TIE1: variants seen among roughly 807,000 people sequenced by gnomAD.
TIE1 encodes the protein tyrosine kinase with immunoglobulin like and EGF like domains 1, also known as tyrosine-protein kinase receptor Tie-1.
TIE1 carries 89 observed loss-of-function variants against 130.5 expected under a neutral mutation model. The ratio of observed to expected loss-of-function variants is 0.68; its 90% confidence interval spans 0.57 to 0.81. The LOEUF is 0.81. Ranked by LOEUF, TIE1 falls within the 40% of genes least tolerant of loss-of-function variation. TIE1 has a pLI of 0.00. For synonymous variants in TIE1, 568 were observed against 629.4 expected (o/e 0.90, Z 1.46); for missense variants, 1,392 against 1,559.8 (o/e 0.89, Z 1.81).
In TIE1 at chr1:43,312,628, G is replaced by A. The variant is rs1375479345; in HGVS notation, c.1927+27G>A. On this transcript the variant is annotated intron_variant, in intron 12 of 22. Transcript: ENST00000372476. This position sits in a 1 kb window ranked among gnomAD's most constrained non-coding sequence, Gnocchi z 5.6. ...TATGTGCAAGGCGCAAGGATAGCTG[G>A]GGGTTGGGGGAGGACGTGGGACACA... 1.3e-6 allele frequency: 2 copies of A among 1,566,818 alleles called. No homozygotes were observed. The highest frequency in any genetic ancestry group is 2.3e-5 in the East Asian group (1 of 44,366).
intron 22 of TIE1, 141 bp downstream of exon 22, chr1:43,321,856 G>A (rs1011204157): frequency 1.3e-6 from 1 of 771,528 alleles, no homozygotes; most frequent in Non-Finnish European, 2.1e-6. Context: ...GCTAGGCTGG[G>A]CCCCAGGATG....
Position 43,316,102 on chromosome 1 carries a change from T to A in TIE1, c.2410-1097T>A, listed in dbSNP as rs753711662. On this transcript the variant is annotated intron_variant, in intron 14 of 22. Coordinates refer to ENST00000372476, the MANE Select transcript of TIE1 (RefSeq NM_005424.5). The surrounding 1 kb of genome is among the most constrained non-coding windows in gnomAD (Gnocchi z 4.4). ...TATCCCTGGTACATGTGCCTGCATA[T>A]GGATAGGAAACGTGTGTGCACAAAT... Among the ~76,000 whole-genome samples, 41 of 152,292 alleles carry A rather than the reference T, an allele frequency of 2.7e-4. No homozygotes were observed. The highest frequency in any genetic ancestry group is 4.4e-4 in the Non-Finnish European group (30 of 68,010).
Position 43,309,358 on chromosome 1 carries a change from T to A in TIE1, c.1189-30T>A, listed in dbSNP as rs1362104850. 2 of 1,558,946 alleles carry A rather than the reference T, an allele frequency of 1.3e-6. No homozygotes were observed. Among genetic ancestry groups the A allele is most frequent in the Admixed American group, 3.9e-5 (2 of 51,134 alleles). On this transcript the variant is annotated intron_variant, in intron 8 of 22. Transcript: ENST00000372476. This position sits in a 1 kb window ranked among gnomAD's most constrained non-coding sequence, Gnocchi z 6.3. Reference sequence around the variant, plus strand: ...CTGCCACAGAGGTGCCCGTTCCCTGTGACCTGTCCCCTTCCCCCATCTCTT... The same window carrying A: ...CTGCCACAGAGGTGCCCGTTCCCTGAGACCTGTCCCCTTCCCCCATCTCTT...
chr1:43,322,704 C>T lies in TIE1; in HGVS notation c.3399C>T (p.Ala1133=), dbSNP rs1211471191. The T allele has an allele frequency of 6.2e-7, 1 of 1,613,950 alleles. No individual in the cohort carries two copies. The highest frequency in any genetic ancestry group is 1.1e-5 in the South Asian group (1 of 91,078). The change falls in exon 23 of 23, where the codon GCC becomes GCT. Residue 1133 remains alanine (A), a synonymous_variant. Transcript: ENST00000372476. This position sits in a 1 kb window ranked among gnomAD's most constrained non-coding sequence, Gnocchi z 4.0. ...FENFTYAGID[A]TAEEA ...ACTTCACTTACGCGGGCATTGATGC[C>T]ACAGCTGAGGAGGCCTGAGCTGCCA... is the stretch of plus-strand genomic sequence containing the variant.
Position 43,309,222 on chromosome 1 carries a change from G to T in TIE1, c.1188+91G>T. On this transcript the variant is annotated intron_variant, in intron 8 of 22. Coordinates refer to ENST00000372476, the MANE Select transcript of TIE1 (RefSeq NM_005424.5). The surrounding 1 kb of genome is among the most constrained non-coding windows in gnomAD (Gnocchi z 6.3). Reference sequence around the variant, plus strand: ...ACCCCCTAGTCCCTCAGAACTTTCTGCAGGGCCCACCCATTGGCCTGACCA... The same window carrying T: ...ACCCCCTAGTCCCTCAGAACTTTCTTCAGGGCCCACCCATTGGCCTGACCA... 1.3e-6 allele frequency: 2 copies of T among 1,516,304 alleles called. No homozygotes were observed. Among genetic ancestry groups the T allele is most frequent in the Non-Finnish European group, 8.8e-7 (1 of 1,130,936 alleles). The allele number at this position is 1,516,304 out of a possible 1,614,324, so 93.9% of individuals were successfully genotyped here. A position where few individuals can be genotyped will look rare whatever the true frequency, so the allele number is the denominator to read the frequency against.
rs1308264229 is a variant in TIE1 at position 43,315,578 on chromosome 1, CG to C, written c.2409+1612del. Among the ~76,000 whole-genome samples the C allele has an allele frequency of 1.3e-5, 2 of 151,980 alleles. No individual in the cohort carries two copies. Among genetic ancestry groups the C allele is most frequent in the East Asian group, 3.9e-4 (2 of 5,174 alleles). On this transcript the variant is annotated intron_variant, in intron 14 of 22. Transcript: ENST00000372476. This position sits in a 1 kb window ranked among gnomAD's most constrained non-coding sequence, Gnocchi z 4.4. ...CTGAGGCAGGAGAACTGCTTGAACC[CG>C]GATGGCAGAGGTTGCAGTGAGCCAA...
rs1371424998 is a variant in TIE1 at position 43,301,125 on chromosome 1, T to C, written c.54T>C (p.His18=). ...FLLPILFLAS[H]VGAAVDLTLL... ...TCCCCATCCTCTTCTTGGCTTCTCA[T>C]GTGGGTAAGTCTCCCCTGAGTCCCT... is the stretch of plus-strand genomic sequence containing the variant. Residue 18 remains histidine (H), a synonymous_variant, in exon 1 of 23, where the codon CAT becomes CAC. Transcript: ENST00000372476. The C allele has an allele frequency of 1.2e-6, 2 of 1,613,574 alleles. No homozygotes were observed. Among genetic ancestry groups the C allele is most frequent in the South Asian group, 1.1e-5 (1 of 90,914 alleles).
intron 1 of TIE1, among the ~76,000 whole-genome samples, chr1:43,302,961 G>C (rs552024299): frequency 1.5e-3 from 236 of 152,262 alleles, no homozygotes; most frequent in Admixed American, 3.5e-3. Flanking sequence ...TTTAGAATCA[G>C]ACAACCTGGC....
Position 43,312,230 on chromosome 1 carries a change from G to A in TIE1, c.1631-75G>A, listed in dbSNP as rs1646804464. 4.6e-6 allele frequency: 7 copies of A among 1,513,238 alleles called. No individual in the cohort carries two copies. Among genetic ancestry groups the A allele is most frequent in the Non-Finnish European group, 6.2e-6 (7 of 1,130,540 alleles). The allele number at this position is 1,513,238 out of a possible 1,614,324, so 93.7% of individuals were successfully genotyped here. On this transcript the variant is annotated intron_variant, in intron 11 of 22. Coordinates refer to ENST00000372476, the MANE Select transcript of TIE1 (RefSeq NM_005424.5). The surrounding 1 kb of genome is among the most constrained non-coding windows in gnomAD (Gnocchi z 5.6). ...TTCCCACTGGAGGTTGTTCTTCCTT[G>A]TTCACTGGGGATCATTGTCCTGTCC...
chr1:43,320,662 C>G (rs1016671785), intron 19 of TIE1: 2 of 152,170 alleles, frequency 1.3e-5, no homozygotes, highest in Non-Finnish European at 2.9e-5. Flanking sequence ...ACCATCCTGG[C>G]TGACACAGTG....
Position 43,307,484 on chromosome 1 carries a change from A to T in TIE1, c.825A>T (p.Ile275=). The change falls in exon 6 of 23, where the codon ATA becomes ATT. Residue 275 remains isoleucine (I), a synonymous_variant. Coordinates refer to ENST00000372476, the MANE Select transcript of TIE1 (RefSeq NM_005424.5). The surrounding 1 kb of genome is among the most constrained non-coding windows in gnomAD (Gnocchi z 5.4). ...GCTGCCAGGAGCAGTGCCCAGGCATATCAGGCTGCCGGGGCCTCACCTTCT... is the reference window on the plus strand; with the variant it reads ...GCTGCCAGGAGCAGTGCCCAGGCATTTCAGGCTGCCGGGGCCTCACCTTCT... ...GQSCQEQCPG[I]SGCRGLTFCL... 6.2e-7 allele frequency: 1 copy of T among 1,614,198 alleles called. No homozygotes were observed. The highest frequency in any genetic ancestry group is 1.6e-4 in the Middle Eastern group (1 of 6,062).
rs1238053576 is a variant in TIE1, at chr1:43,309,779, G to A, written c.1333+247G>A. Among the ~76,000 whole-genome samples the A allele has an allele frequency of 2.0e-5, 3 of 152,200 alleles. No individual in the cohort carries two copies. The South Asian group carries it at 6.2e-4, about 32-fold the overall frequency. ...GAAACTGGGGACACTCTCCAGCCCC[G>A]CCCTTCCTCCTGCCCAGCCATGCTG... On this transcript the variant is annotated intron_variant, in intron 9 of 22. Coordinates refer to ENST00000372476, the MANE Select transcript of TIE1 (RefSeq NM_005424.5). This position sits in a 1 kb window ranked among gnomAD's most constrained non-coding sequence, Gnocchi z 6.3.
Position 43,307,847 on chromosome 1 carries a change from A to AG in TIE1, c.966dup (p.Asn323GlufsTer6), listed in dbSNP as rs1446638770. The stretch of plus-strand genomic sequence containing the variant: ...GATTGCCGACTCCAGTGCCAGTGTC[A>AG]GAATGGTGGCACTTGTGACCGGTTC... On this transcript the variant is annotated frameshift_variant, in exon 7 of 23. Transcript: ENST00000372476. LOFTEE classifies it high-confidence loss of function. This position sits in a 1 kb window ranked among gnomAD's most constrained non-coding sequence, Gnocchi z 5.4. The AG allele has an allele frequency of 1.7e-5, 27 of 1,614,072 alleles. No individual in the cohort carries two copies. The highest frequency in any genetic ancestry group is 2.2e-5 in the Non-Finnish European group (26 of 1,180,036).
rs575396090 is a variant in TIE1, at chr1:43,305,622, C to T, written c.484+279C>T. Among the ~76,000 whole-genome samples the T allele has an allele frequency of 1.3e-4, 20 of 152,354 alleles. No homozygotes were observed. In the South Asian group the frequency reaches 3.1e-3, roughly 24 times the overall value. On this transcript the variant is annotated intron_variant, in intron 3 of 22. Coordinates refer to ENST00000372476, the MANE Select transcript of TIE1 (RefSeq NM_005424.5). The stretch of plus-strand genomic sequence containing the variant: ...CACGATGTTAAACCCTCATCTCTCC[C>T]CTGGGAGTTAGCAGGTGCTGTCACA...
chr1:43,307,373 G>C lies in TIE1; in HGVS notation c.773-59G>C. ...GGAGCTTGGAGGGTAAGGGCGACAG[G>C]CAGGTCCTGGGCCCAGGGGCCCACA... is the stretch of plus-strand genomic sequence containing the variant. On this transcript the variant is annotated intron_variant, in intron 5 of 22. Transcript: ENST00000372476. This position sits in a 1 kb window ranked among gnomAD's most constrained non-coding sequence, Gnocchi z 5.4. 10 of 1,611,498 alleles carry C rather than the reference G, an allele frequency of 6.2e-6. No homozygotes were observed. The highest frequency in any genetic ancestry group is 8.5e-6 in the Non-Finnish European group (10 of 1,178,358).
At position 43,322,470 on chromosome 1, in the gene TIE1, A is replaced by G. The variant is rs1160524696; in HGVS notation, c.3346-181A>G. Among the ~76,000 whole-genome samples, 1 of 152,216 alleles carries G rather than the reference A, an allele frequency of 6.6e-6. No homozygotes were observed. Among genetic ancestry groups the G allele is most frequent in the Non-Finnish European group, 1.5e-5 (1 of 68,032 alleles). On this transcript the variant is annotated intron_variant, in intron 22 of 22. Transcript: ENST00000372476. This position sits in a 1 kb window ranked among gnomAD's most constrained non-coding sequence, Gnocchi z 4.0. ...TGAGAGCCTCTCACCTGAGGCCCCAACTGTGGCCTGATGCCTTCACTGCCC... is the reference window on the plus strand; with the variant it reads ...TGAGAGCCTCTCACCTGAGGCCCCAGCTGTGGCCTGATGCCTTCACTGCCC...
At chr1:43,321,766 A>G (rs11210834) in intron 22 of TIE1, 51 bp downstream of exon 22, 378,540 of 1,523,580 alleles carry the variant, frequency 0.25, 48,187 homozygotes, top group East Asian at 0.38. Context: ...AGTGCTCCAG[A>G]GTGCCCTCTC....
chr1:43,313,468 G>A lies in TIE1; in HGVS notation c.2218+43G>A, dbSNP rs1646823144. Reference sequence around the variant, plus strand: ...ACAGGACCCCCCGGGCTCTGAGCGGGGAGAGCTCAGCACGCTCTCCTTCCA... The same window carrying A: ...ACAGGACCCCCCGGGCTCTGAGCGGAGAGAGCTCAGCACGCTCTCCTTCCA... On this transcript the variant is annotated intron_variant, in intron 13 of 22. Transcript: ENST00000372476. The surrounding 1 kb of genome is among the most constrained non-coding windows in gnomAD (Gnocchi z 6.2). 6.2e-7 allele frequency: 1 copy of A among 1,606,788 alleles called. No homozygotes were observed. The highest frequency in any genetic ancestry group is 8.5e-7 in the Non-Finnish European group (1 of 1,175,828).
chr1:43,308,630 G>A (rs1412282886), intron 7 of TIE1, among the ~76,000 whole-genome samples: 1 of 152,198 alleles, frequency 6.6e-6, no homozygotes, highest in Non-Finnish European at 1.5e-5. Context: ...CCGTGTTGGA[G>A]AAAGGACCCC....
Sources: allele counts gnomAD v4.1 joint callset (sites outside exome capture counted in the v4.1 genomes callset), GRCh38; gene constraint gnomAD v4.1.1; non-coding constraint Gnocchi (gnomAD v3.1); transcripts MANE v1.5; gene names NCBI Gene and HGNC (gene_info 2026-07-23, HGNC 2026-07-21).